The following PCDHGA7 variants were observed in gnomAD, a reference collection of about 807,000 sequenced individuals.
The protein encoded by PCDHGA7 is protocadherin gamma-A7.
In PCDHGA7, 44 loss-of-function variants were observed where a neutral mutation model predicts 58.3. The ratio of observed to expected loss-of-function variants is 0.75; its 90% CI spans 0.59 to 0.97. The LOEUF (loss-of-function observed/expected upper bound fraction) is 0.97, where lower values mean the gene tolerates loss of function less well. Ranked by LOEUF, PCDHGA7 falls within the 50% of genes least tolerant of loss-of-function variation. The pLI is 0.00. For missense variants in PCDHGA7, 1,266 were observed against 1,188.7 expected, an observed-to-expected ratio of 1.06 and a Z score of -0.96; for synonymous variants, 516 against 504.2, an observed-to-expected ratio of 1.02 and a Z score of -0.31.
rs4042104 is a variant in PCDHGA7 at position 141,489,091 on chromosome 5, T to TAAG, written c.2425-5713_2425-5711dup. On this transcript the variant is annotated intron_variant, in intron 1 of 3. Transcript: ENST00000518325. This position sits in a 1 kb window ranked among gnomAD's most constrained non-coding sequence, Gnocchi z 4.5. Reference sequence around the variant, plus strand: ...CTGCCCACCCCCGCCACTCGGTGACTAAGAACTGCTGCAAGCAGGCAAACC... The same window carrying TAAG: ...CTGCCCACCCCCGCCACTCGGTGACTAAGAAGAACTGCTGCAAGCAGGCAAACC... 136,009 of 332,164 alleles carry TAAG rather than the reference T, an allele frequency of 0.41. 28,517 individuals are homozygous for TAAG. The highest frequency in any genetic ancestry group is 0.54 in the Admixed American group (11,651 of 21,676). The allele number at this position is 332,164 out of a possible 1,614,324, so 20.6% of individuals were successfully genotyped here.
In PCDHGA7 at chr5:141,477,718, A is replaced by G; in HGVS notation, c.2425-17089A>G. 6.2e-7 allele frequency: 1 copy of G among 1,613,928 alleles called. No homozygotes were observed. The highest frequency in any genetic ancestry group is 8.5e-7 in the Non-Finnish European group (1 of 1,180,034). On this transcript the variant is annotated intron_variant, in intron 1 of 3. Coordinates refer to ENST00000518325, the MANE Select transcript of PCDHGA7 (RefSeq NM_018920.4). The surrounding 1 kb of genome is among the most constrained non-coding windows in gnomAD (Gnocchi z 4.9). ...ACTATGAGGATCGGCGGGAATTTGA[A>G]TTAACAGCTCATATCAGCGATGGGG...
intron 1 of PCDHGA7, chr5:141,441,330 C>T (rs919906372): frequency 8.5e-5 from 13 of 152,170 alleles, no homozygotes; most frequent in Admixed American, 1.3e-4. Context: ...AATCTTCCTC[C>T]AATAATTAAC....
intron 1 of PCDHGA7, chr5:141,422,216 C>T (rs1241784107): frequency 6.4e-7 from 1 of 1,563,862 alleles, no homozygotes; most frequent in African/African-American, 1.4e-5. Flanking sequence ...GGTCTCTTTA[C>T]CACCACGACG....
chr5:141,490,045 C>G lies in PCDHGA7; in HGVS notation c.2425-4762C>G, dbSNP rs530803072. 6 of 1,614,114 alleles carry G rather than the reference C, an allele frequency of 3.7e-6. No individual in the cohort carries two copies. The highest frequency in any genetic ancestry group is 5.1e-6 in the Non-Finnish European group (6 of 1,180,014). On this transcript the variant is annotated intron_variant, in intron 1 of 3. Coordinates refer to ENST00000518325, the MANE Select transcript of PCDHGA7 (RefSeq NM_018920.4). This position sits in a 1 kb window ranked among gnomAD's most constrained non-coding sequence, Gnocchi z 5.4. ...GCTGCTCCGCCTCAATGCCACTGAT[C>G]CAGACGAGGGCACCAACGGCCAACT...
At position 141,383,983 on chromosome 5, in the gene PCDHGA7, C is replaced by G. The variant is rs769557615; in HGVS notation, c.1084C>G (p.Leu362Val). Reference sequence around the variant, plus strand: ...TAGCTCAATCCCTGAAGACACACCTCTTGGGACAGTCATTGCTCTTTTCTA... The same window carrying G: ...TAGCTCAATCCCTGAAGACACACCTGTTGGGACAGTCATTGCTCTTTTCTA... ...LSSSIPEDTP[L>V]GTVIALFYLQ... Residue 362 changes from leucine to valine, a missense_variant, in exon 1 of 4, where the codon CTT becomes GTT. By Grantham distance (32) the Leu-to-Val change is conservative. Coordinates refer to ENST00000518325, the MANE Select transcript of PCDHGA7 (RefSeq NM_018920.4). The G allele has an allele frequency of 6.2e-7, 1 of 1,613,794 alleles. No individual in the cohort carries two copies. The highest frequency in any genetic ancestry group is 8.5e-7 in the Non-Finnish European group (1 of 1,179,760).
chr5:141,491,937 AC>A lies in PCDHGA7; in HGVS notation c.2425-2865del. ...CTGTGGGCGAGGGGAGGTGGGACCG[AC>A]CCCCACCCCTACACTCAAAAAAGGC... On this transcript the variant is annotated intron_variant, in intron 1 of 3. Transcript: ENST00000518325. This position sits in a 1 kb window ranked among gnomAD's most constrained non-coding sequence, Gnocchi z 6.9. The A allele has an allele frequency of 3.4e-6, 4 of 1,164,304 alleles. No homozygotes were observed. Among genetic ancestry groups the A allele is most frequent in the Non-Finnish European group, 4.7e-6 (4 of 858,404 alleles). The allele number at this position is 1,164,304 out of a possible 1,614,324, so 72.1% of individuals were successfully genotyped here.
In PCDHGA7 at chr5:141,485,101, T is replaced by C; in HGVS notation, c.2425-9706T>C. On this transcript the variant is annotated intron_variant, in intron 1 of 3. Coordinates refer to ENST00000518325, the MANE Select transcript of PCDHGA7 (RefSeq NM_018920.4). The surrounding 1 kb of genome is among the most constrained non-coding windows in gnomAD (Gnocchi z 5.7). ...GGAAAGGGAGATAGGTGTCTCCAGC[T>C]GCTGTGGCTGTTTGGGGCGGGTCGG... 1 of 1,158,208 alleles carries C rather than the reference T, an allele frequency of 8.6e-7. No homozygotes were observed. Among genetic ancestry groups the C allele is most frequent in the South Asian group, 1.4e-5 (1 of 72,622 alleles). The allele number at this position is 1,158,208 out of a possible 1,614,324, so 71.7% of individuals were successfully genotyped here.
chr5:141,436,240 G>A (rs192988618), intron 1 of PCDHGA7, among the ~76,000 whole-genome samples: 2 of 152,200 alleles, frequency 1.3e-5, no homozygotes, highest in East Asian at 3.9e-4. Flanking sequence ...AGCTAACATG[G>A]TCTAATTATT....
In PCDHGA7 at chr5:141,489,835, C is replaced by G; in HGVS notation, c.2425-4972C>G. On this transcript the variant is annotated intron_variant, in intron 1 of 3. Transcript: ENST00000518325. This position sits in a 1 kb window ranked among gnomAD's most constrained non-coding sequence, Gnocchi z 4.5. Reference sequence around the variant, plus strand: ...ATTCCCAGAGCTGGTGCTAGAGCAGCAGCTGGATCGTGAAGCCCAGGCAAG... The same window carrying G: ...ATTCCCAGAGCTGGTGCTAGAGCAGGAGCTGGATCGTGAAGCCCAGGCAAG... The G allele has an allele frequency of 6.2e-7, 1 of 1,614,164 alleles. No homozygotes were observed. Among genetic ancestry groups the G allele is most frequent in the Non-Finnish European group, 8.5e-7 (1 of 1,179,972 alleles).
Position 141,421,718 on chromosome 5 carries a change from G to A in PCDHGA7, c.2424+36395G>A, listed in dbSNP as rs778263773. On this transcript the variant is annotated intron_variant, in intron 1 of 3. Transcript: ENST00000518325. ...CCTAATGCTAGGGATCCAGATGTGGGCGTGAACTCCCTCCAGAGCTACCAG... is the reference window on the plus strand; with the variant it reads ...CCTAATGCTAGGGATCCAGATGTGGACGTGAACTCCCTCCAGAGCTACCAG... 3.1e-6 allele frequency: 5 copies of A among 1,613,848 alleles called. No homozygotes were observed. The highest frequency in any genetic ancestry group is 2.7e-5 in the African/African-American group (2 of 74,938).
intron 1 of PCDHGA7, chr5:141,417,885 G>T (rs761442517): frequency 3.8e-6 from 6 of 1,562,926 alleles, no homozygotes; most frequent in South Asian, 1.2e-5. Context: ...GCGCAGAGGC[G>T]CCGGGCCGGC....
intron 2 of PCDHGA7, among the ~76,000 whole-genome samples, chr5:141,504,143 C>A (rs2099835975): frequency 6.6e-6 from 1 of 152,136 alleles, no homozygotes; most frequent in Non-Finnish European, 1.5e-5. Flanking sequence ...CACTCCCCTG[C>A]AAATTGAAAT....
At chr5:141,484,135 A>G (rs181630887) in intron 1 of PCDHGA7, among the ~76,000 whole-genome samples, 6 of 152,270 alleles carry the variant, frequency 3.9e-5, no homozygotes, top group Admixed American at 1.3e-4. Flanking sequence ...GTGTCAGATA[A>G]AGGGAATTTG....
At chr5:141,389,861 C>T in intron 1 of PCDHGA7, 1 of 1,614,062 alleles carries the variant, frequency 6.2e-7, no homozygotes, top group South Asian at 1.1e-5. Context: ...CCACGTTGCA[C>T]CTGGTCTTCG....
chr5:141,489,205 G>A lies in PCDHGA7; in HGVS notation c.2425-5602G>A. 2.1e-6 allele frequency: 3 copies of A among 1,438,682 alleles called. No homozygotes were observed. Among genetic ancestry groups the A allele is most frequent in the Non-Finnish European group, 1.9e-6 (2 of 1,060,944 alleles). 89.1% of individuals were successfully genotyped at this position (1,438,682 alleles called of 1,614,324 possible). On this transcript the variant is annotated intron_variant, in intron 1 of 3. Coordinates refer to ENST00000518325, the MANE Select transcript of PCDHGA7 (RefSeq NM_018920.4). The surrounding 1 kb of genome is among the most constrained non-coding windows in gnomAD (Gnocchi z 4.5). ...CTGGGTCTACCTTGGAGACAGGACA[G>A]CACAGACTTACTCTCCACAAAGGGA...
At chr5:141,417,859 G>T (rs925593025) in intron 1 of PCDHGA7, 10 of 1,548,090 alleles carry the variant, frequency 6.5e-6, no homozygotes, top group African/African-American at 2.7e-5. Context: ...CCGAGCGAAC[G>T]ATGGGAGGGA....
chr5:141,431,222 C>T lies in PCDHGA7; in HGVS notation c.2424+45899C>T. On this transcript the variant is annotated intron_variant, in intron 1 of 3. Transcript: ENST00000518325. The surrounding 1 kb of genome is among the most constrained non-coding windows in gnomAD (Gnocchi z 4.8). ...AGCCACTGAGATGCGGTTCCCTCTA[C>T]CCCACGCCTGGGATCCGGATATCGG... The T allele has an allele frequency of 6.2e-7, 1 of 1,614,170 alleles. No individual in the cohort carries two copies. Among genetic ancestry groups the T allele is most frequent in the South Asian group, 1.1e-5 (1 of 91,090 alleles).
At chr5:141,446,873 A>T (rs1324695415) in intron 1 of PCDHGA7, among the ~76,000 whole-genome samples, 1 of 152,132 alleles carries the variant, frequency 6.6e-6, no homozygotes, top group African/African-American at 2.4e-5. Flanking sequence ...CTACACTGGT[A>T]TGTTTTGGGG....
chr5:141,396,902 A>C (rs2093450439), intron 1 of PCDHGA7, among the ~76,000 whole-genome samples: 1 of 152,234 alleles, frequency 6.6e-6, no homozygotes, highest in African/African-American at 2.4e-5. Context: ...TATTATTGGC[A>C]CTTTGCAATT....
Sources: allele counts gnomAD v4.1 joint callset (sites outside exome capture counted in the v4.1 genomes callset), GRCh38; gene constraint gnomAD v4.1.1; non-coding constraint Gnocchi (gnomAD v3.1); transcripts MANE v1.5; gene names NCBI Gene and HGNC (gene_info 2026-07-23, HGNC 2026-07-21).